The following RARB variants were observed in gnomAD, a reference collection of about 807,000 sequenced individuals.
The protein encoded by RARB is HBV-activated protein.
Under a neutral mutation model 51.9 loss-of-function variants are expected in RARB, and 17 were observed. That is an observed-to-expected ratio of 0.33 (90% CI 0.22 to 0.49). The LOEUF (loss-of-function observed/expected upper bound fraction) is 0.49. Among genes scored for constraint, RARB ranks in the 20% least tolerant of loss-of-function variants. RARB has a pLI of 0.99. For missense variants in RARB, 369 were observed against 550.8 expected (o/e 0.67, Z 3.30); for synonymous variants, 215 against 195.4 (o/e 1.10, Z -0.84).
intron 4 of RARB, among the ~76,000 whole-genome samples, chr3:25,135,159 G>C (rs1269260672): frequency 6.6e-6 from 1 of 151,200 alleles, no homozygotes; most frequent in South Asian, 2.1e-4. Context: ...AAATTGTTTC[G>C]ATCCATCGAT....
intron 2 of RARB, among the ~76,000 whole-genome samples, chr3:25,043,065 C>T (rs1320394542): frequency 1.3e-5 from 2 of 152,172 alleles, no homozygotes; most frequent in Admixed American, 6.5e-5. Context: ...GGCAGGGGAG[C>T]GACCGTCAGA....
At chr3:25,132,032 A>G (rs1559478039) in intron 3 of RARB, among the ~76,000 whole-genome samples, 2 of 151,964 alleles carry the variant, frequency 1.3e-5, no homozygotes, top group East Asian at 1.9e-4. Context: ...ATTGAGAGTC[A>G]AGTACTTGTC....
intron 5 of RARB, among the ~76,000 whole-genome samples, chr3:25,411,945 G>A (rs1707573321): frequency 6.6e-6 from 1 of 152,216 alleles, no homozygotes; most frequent in African/African-American, 2.4e-5. Context: ...TAGGAAGAGG[G>A]CAGAAGCAGC....
intron 5 of RARB, among the ~76,000 whole-genome samples, chr3:25,340,076 C>T (rs1406067581): frequency 3.3e-5 from 5 of 152,136 alleles, no homozygotes; most frequent in South Asian, 2.1e-4. Flanking sequence ...GCATGTAAAG[C>T]GAAGGAGAAC....
intron 2 of RARB, among the ~76,000 whole-genome samples, chr3:25,481,455 G>T (rs1696221363): frequency 6.6e-6 from 1 of 152,168 alleles, no homozygotes; most frequent in Admixed American, 6.5e-5. Flanking sequence ...TATTTTTAAA[G>T]CTAGCCCAGA....
intron 5 of RARB, among the ~76,000 whole-genome samples, chr3:25,397,136 A>G (rs1487569162): frequency 1.3e-5 from 2 of 152,180 alleles, no homozygotes; most frequent in Non-Finnish European, 2.9e-5. Flanking sequence ...TTCCTTCCCC[A>G]ATTCTACTGG....
chr3:25,165,999 A>G (rs190398880), intron 4 of RARB, among the ~76,000 whole-genome samples: 3 of 151,962 alleles, frequency 2.0e-5, no homozygotes, highest in Non-Finnish European at 4.4e-5. Flanking sequence ...CTTAAAAAAA[A>G]TTTTACTGTA....
At chr3:24,903,296 T>G (rs1471534746) in intron 2 of RARB, among the ~76,000 whole-genome samples, 2 of 152,174 alleles carry the variant, frequency 1.3e-5, no homozygotes, top group Non-Finnish European at 1.5e-5. Context: ...TAAGACAAAC[T>G]TCTATGTGAA....
At position 25,241,422 on chromosome 3, in the gene RARB, A is replaced by G. The variant is rs148888336; in HGVS notation, c.178+66847A>G. 3.9e-4 allele frequency among the ~76,000 whole-genome samples: 59 copies of G among 152,208 alleles called. 1 individual carries two copies. The East Asian group carries it at 0.011, about 28-fold the overall frequency. ...GTTGGTTTGCTGCACCCATCACCCC[A>G]TCATCCACATTAGCTATTTCTCCTA... On this transcript the variant is annotated intron_variant, in intron 5 of 11. Coordinates refer to the RARB transcript ENST00000383772.
chr3:25,549,734 A>G (rs1274108809), intron 3 of RARB, among the ~76,000 whole-genome samples: 1 of 152,114 alleles, frequency 6.6e-6, no homozygotes, highest in Non-Finnish European at 1.5e-5. Flanking sequence ...ATGAGATGAG[A>G]AAAAGGAAAG....
intron 5 of RARB, among the ~76,000 whole-genome samples, chr3:25,302,734 T>C (rs1704070449): frequency 6.6e-6 from 1 of 152,210 alleles, no homozygotes; most frequent in Admixed American, 6.5e-5. Context: ...TTGTATACTA[T>C]GAAAGGGTGA....
intron 5 of RARB, among the ~76,000 whole-genome samples, chr3:25,241,550 A>G (rs1462033913): frequency 1.3e-5 from 2 of 152,094 alleles, no homozygotes; most frequent in African/African-American, 4.8e-5. Context: ...CTACCTATGA[A>G]TGAGAACATG....
chr3:25,518,122 A>G (rs1282043942), intron 3 of RARB, among the ~76,000 whole-genome samples: 2 of 152,246 alleles, frequency 1.3e-5, no homozygotes, highest in Non-Finnish European at 2.9e-5. Context: ...GCAAATTTAT[A>G]GCATTTGAAT....
At chr3:25,120,528 T>TCTCC (rs1699766756) in intron 3 of RARB, among the ~76,000 whole-genome samples, 1 of 7,754 alleles carries the variant, frequency 1.3e-4, no homozygotes, top group Non-Finnish European at 5.1e-4. Context: ...TATATAAAAA[T>TCTCC]CTCTCTCTCT....
At chr3:25,123,916 C>T (rs762523964) in intron 3 of RARB, among the ~76,000 whole-genome samples, 4 of 152,180 alleles carry the variant, frequency 2.6e-5, no homozygotes, top group Admixed American at 6.5e-5. Context: ...AGCATCTGCT[C>T]ATATCTTATT....
At chr3:25,196,347 T>G (rs1257452922) in intron 5 of RARB, among the ~76,000 whole-genome samples, 1 of 152,084 alleles carries the variant, frequency 6.6e-6, no homozygotes. Context: ...TGTGATAGTT[T>G]GCTCAGAATG....
chr3:25,252,713 C>T (rs555174338), intron 5 of RARB, among the ~76,000 whole-genome samples: 5 of 152,156 alleles, frequency 3.3e-5, no homozygotes, highest in Admixed American at 3.3e-4. Flanking sequence ...TGCCACCTTG[C>T]TGAACATATT....
chr3:25,019,580 A>G (rs1012824659), intron 2 of RARB, among the ~76,000 whole-genome samples: 1 of 152,102 alleles, frequency 6.6e-6, no homozygotes, highest in South Asian at 2.1e-4. Flanking sequence ...ATGTGCTGTG[A>G]ATGTGAATAT....
chr3:25,156,574 T>C (rs1414039397), intron 4 of RARB, among the ~76,000 whole-genome samples: 1 of 145,954 alleles, frequency 6.9e-6, no homozygotes, highest in Admixed American at 6.8e-5. Flanking sequence ...ACTTAATTTT[T>C]AATCCTAATT....
Sources: gnomAD v4.1 joint callset for allele counts (sites outside exome capture counted in the v4.1 genomes callset) on GRCh38, gnomAD v4.1.1 for gene constraint, MANE v1.5 for transcripts, NCBI Gene and HGNC (gene_info 2026-07-23, HGNC 2026-07-21) for gene names.